Variants in PACS2 observed in about 807,000 individuals in gnomAD.
PACS2 encodes the protein PACS1-like protein.
Under a neutral mutation model 113.0 loss-of-function variants are expected in PACS2, and 36 were observed. The ratio of observed to expected loss-of-function variants is 0.32; its 90% CI spans 0.24 to 0.42. The LOEUF (loss-of-function observed/expected upper bound fraction) is 0.42, where lower values mean the gene tolerates loss of function less well. Among genes scored for constraint, PACS2 ranks in the 10% least tolerant of loss-of-function variants. The pLI is 1.00. For missense variants in PACS2, 1,015 were observed against 1,239.5 expected (o/e 0.82, Z 2.72); for synonymous variants, 589 against 536.1 (o/e 1.10, Z -1.36).
At position 105,324,181 on chromosome 14, in the gene PACS2, T is replaced by G. The variant is rs1480926056; in HGVS notation, c.119+9144T>G. On this transcript the variant is annotated intron_variant, in intron 1 of 24. Coordinates refer to ENST00000447393, the MANE Select transcript of PACS2 (RefSeq NM_001100913.3). The surrounding 1 kb of genome is among the most constrained non-coding windows in gnomAD (Gnocchi z 4.7). The stretch of plus-strand genomic sequence containing the variant: ...CAGCATGCGTCTCAGGAAGGTTTGA[T>G]GGAGTGGGCAGCTGCGGTGCTGTGG... Among the ~76,000 whole-genome samples, 2 of 152,116 alleles carry G rather than the reference T, an allele frequency of 1.3e-5. No homozygotes were observed. Among genetic ancestry groups the G allele is most frequent in the Admixed American group, 1.3e-4 (2 of 15,272 alleles).
chr14:105,384,811 C>T, intron 17 of PACS2, 68 bp from the exon 18 acceptor site: 2 of 1,060,442 alleles, frequency 1.9e-6, no homozygotes, highest in Non-Finnish European at 1.4e-6. Context: ...CCGGGGAGGC[C>T]CAGCTTAGCC....
intron 2 of PACS2, among the ~76,000 whole-genome samples, chr14:105,349,738 C>T (rs1358353047): frequency 3.3e-5 from 5 of 152,286 alleles, no homozygotes; most frequent in African/African-American, 1.2e-4. Flanking sequence ...CCTACATCTG[C>T]GGCGTGTGCT....
chr14:105,332,022 A>G (rs1005569061), intron 1 of PACS2, among the ~76,000 whole-genome samples: 5 of 152,092 alleles, frequency 3.3e-5, no homozygotes, highest in Admixed American at 6.5e-5. Context: ...TGTGGGACAC[A>G]TGTGTGATCT....
At chr14:105,308,776 C>T (rs2058265038) in intron 1 of PACS2, among the ~76,000 whole-genome samples, 1 of 151,978 alleles carries the variant, frequency 6.6e-6, no homozygotes, top group Non-Finnish European at 1.5e-5. Context: ...CCACTGTGCC[C>T]AGCCATGACT....
Position 105,329,716 on chromosome 14 carries a change from A to G in PACS2, c.119+14679A>G, listed in dbSNP as rs955702766. On this transcript the variant is annotated intron_variant, in intron 1 of 24. Transcript: ENST00000447393. This position sits in a 1 kb window ranked among gnomAD's most constrained non-coding sequence, Gnocchi z 6.4. The stretch of plus-strand genomic sequence containing the variant: ...GTCCTTTCCTGCGTGACTTGCAAAC[A>G]GGCCTTGCAGGGCTCTAGTGTATCA... Among the ~76,000 whole-genome samples, 4 of 152,120 alleles carry G rather than the reference A, an allele frequency of 2.6e-5. No homozygotes were observed. The highest frequency in any genetic ancestry group is 1.3e-4 in the Admixed American group (2 of 15,278).
At chr14:105,313,681 C>G (rs1200988243), upstream of PACS2, among the ~76,000 whole-genome samples, 4 of 152,226 alleles carry the variant, frequency 2.6e-5, no homozygotes, top group African/African-American at 9.6e-5. Context: ...TTTGCTCGGG[C>G]TGGATTTGTT....
chr14:105,380,234 GC>G (rs1555411606), intron 11 of PACS2, 80 bp downstream of exon 11: 1 of 1,243,200 alleles, frequency 8.0e-7, no homozygotes. Flanking sequence ...ACCTGGAGGG[GC>G]GGGGCCCACA....
chr14:105,351,394 CTG>C (rs762933512), intron 2 of PACS2, among the ~76,000 whole-genome samples: 1 of 152,220 alleles, frequency 6.6e-6, no homozygotes, highest in Non-Finnish European at 1.5e-5. Context: ...TGGGTATGAA[CTG>C]TGTTTTCAGG....
rs782548943 is a variant in PACS2, at chr14:105,391,725, G to A, written c.2214G>A (p.Pro738=). Residue 738 remains proline, a synonymous_variant, in exon 22 of 25, where the codon CCG becomes CCA. Transcript: ENST00000447393. ...SPAAKEASPT[P]PSSPSVSGGL... is the part of the protein sequence containing the mutation. ...CGGCCAAGGAGGCCTCACCCACCCC[G>A]CCCTCCTCCCCGTCGGTGAGCGGAG... is the stretch of plus-strand genomic sequence containing the variant. The A allele has an allele frequency of 1.7e-5, 27 of 1,597,836 alleles. No individual in the cohort carries two copies. The highest frequency in any genetic ancestry group is 1.2e-4 in the African/African-American group (9 of 74,568).
At position 105,309,123 on chromosome 14, in the gene PACS2, T is replaced by G. The variant is rs1177126153; in HGVS notation, c.-83+8144T>G. Among the ~76,000 whole-genome samples, 1 of 152,242 alleles carries G rather than the reference T, an allele frequency of 6.6e-6. No individual in the cohort carries two copies. Among genetic ancestry groups the G allele is most frequent in the East Asian group, 1.9e-4 (1 of 5,206 alleles). ...TCTGTGAATGTCCTTGGCTGATTTC[T>G]GTATTAGGGCCTGGGTGTTTTCCTT... On this transcript the variant is annotated intron_variant, in intron 1 of 23. Transcript: ENST00000430725. This position sits in a 1 kb window ranked among gnomAD's most constrained non-coding sequence, Gnocchi z 4.0.
rs1555405097 is a variant in PACS2 at position 105,355,130 on chromosome 14, A to G, written c.376A>G (p.Ile126Val). 1.9e-6 allele frequency: 3 copies of G among 1,613,608 alleles called. No homozygotes were observed. Among genetic ancestry groups the G allele is most frequent in the Non-Finnish European group, 2.5e-6 (3 of 1,179,944 alleles). ...QRRKRYKNRTILGYKTLAAGS... is the reference protein window; with the variant it reads ...QRRKRYKNRTVLGYKTLAAGS... ...CAGAAAGCGCTACAAGAACAGAACC[A>G]TCCTGGGCTACAAGACGCTGGCCGC... is the stretch of plus-strand genomic sequence containing the variant. The change falls in exon 4 of 25, where the codon ATC becomes GTC. Residue 126 changes from isoleucine to valine, a missense_variant. By Grantham distance (29) the Ile-to-Val change is conservative (BLOSUM62 3). Coordinates refer to ENST00000447393, the MANE Select transcript of PACS2 (RefSeq NM_001100913.3). The surrounding 1 kb of genome is among the most constrained non-coding windows in gnomAD (Gnocchi z 4.1).
chr14:105,348,413 G>T lies in PACS2; in HGVS notation c.120-80G>T. 8.9e-7 allele frequency: 1 copy of T among 1,120,304 alleles called. No individual in the cohort carries two copies. The highest frequency in any genetic ancestry group is 1.3e-5 in the South Asian group (1 of 78,630). 69.4% of individuals were successfully genotyped at this position (1,120,304 alleles called of 1,614,324 possible). A position where few individuals can be genotyped will look rare whatever the true frequency, so the allele number is the denominator to read the frequency against. ...ACCCCAGGGTGCAGGCTCCCGGGGT[G>T]ACACAGTGCTGGGACGGCACAGGGC... On this transcript the variant is annotated intron_variant, in intron 1 of 24. Transcript: ENST00000447393. The surrounding 1 kb of genome is among the most constrained non-coding windows in gnomAD (Gnocchi z 6.4).
At chr14:105,346,570 G>T (rs1275904564) in intron 1 of PACS2, among the ~76,000 whole-genome samples, 13 of 64,082 alleles carry the variant, frequency 2.0e-4, no homozygotes, top group Non-Finnish European at 1.7e-4. Context: ...ACTCCCACGC[G>T]CACGACTTCC....
At chr14:105,377,981 C>T (rs1207128755) in intron 9 of PACS2, among the ~76,000 whole-genome samples, 3 of 152,242 alleles carry the variant, frequency 2.0e-5, no homozygotes, top group African/African-American at 7.2e-5. Context: ...GGTCTGGCTG[C>T]CCTGCCGCCT....
chr14:105,392,996 T>C, intron 23 of PACS2, 151 bp downstream of exon 23: 1 of 703,164 alleles, frequency 1.4e-6, no homozygotes, highest in Non-Finnish European at 2.4e-6. Flanking sequence ...GGAGCCTGAA[T>C]CCTGAGGGCA....
intron 19 of PACS2, among the ~76,000 whole-genome samples, chr14:105,387,611 A>G (rs2081221981): frequency 6.6e-6 from 1 of 152,184 alleles, no homozygotes; most frequent in Non-Finnish European, 1.5e-5. Context: ...ATATTGGCCC[A>G]TGTCCAGGGC....
chr14:105,302,228 A>C (rs1251960402), intron 1 of PACS2, among the ~76,000 whole-genome samples: 1 of 132,092 alleles, frequency 7.6e-6, no homozygotes, highest in Non-Finnish European at 1.6e-5. Context: ...TTTGAGACGG[A>C]GTCTCTGCTC....
chr14:105,382,441 T>G, intron 13 of PACS2, 36 bp from the exon 14 acceptor site: 1 of 1,264,028 alleles, frequency 7.9e-7, no homozygotes, highest in Non-Finnish European at 1.2e-6. Context: ...GCGCTGTGCT[T>G]CTCTTCTGGG....
At chr14:105,367,162 G>A (rs782139377) in intron 4 of PACS2, 51 bp from the exon 5 acceptor site, 28 of 1,564,752 alleles carry the variant, frequency 1.8e-5, no homozygotes, top group African/African-American at 2.7e-5. Flanking sequence ...TCAGGGCACC[G>A]GGGCTCCTTC....
Sources: gnomAD v4.1 joint callset for allele counts (sites outside exome capture counted in the v4.1 genomes callset) on GRCh38, gnomAD v4.1.1 for gene constraint, Gnocchi (gnomAD v3.1) non-coding constraint, MANE v1.5 for transcripts, NCBI Gene and HGNC (gene_info 2026-07-23, HGNC 2026-07-21) for gene names.